The following BMPR2 variants were observed in gnomAD, a reference collection of about 807,000 sequenced individuals.
BMPR2 encodes bone morphogenetic protein receptor type-2.
BMPR2 carries 29 observed loss-of-function variants against 100.8 expected under a neutral mutation model. That is an observed-to-expected ratio of 0.29 (90% CI 0.21 to 0.39). The LOEUF (loss-of-function observed/expected upper bound fraction) is 0.39. BMPR2 is among the 10% of genes least tolerant of loss of function. The probability of loss-of-function intolerance (pLI) is 1.00; values close to 1 mark genes in which losing one functional copy is unlikely to be tolerated. For missense variants in BMPR2, 1,011 were observed against 1,274.5 expected (o/e 0.79, Z 3.15); for synonymous variants, 382 against 442.3 (o/e 0.86, Z 1.71).
chr2:202,517,976 CTTTTTTTT>C (rs67110605), intron 5 of BMPR2, among the ~76,000 whole-genome samples: 2 of 88,444 alleles, frequency 2.3e-5, no homozygotes, highest in East Asian at 3.1e-4. Flanking sequence ...CCACGCCTGA[CTTTTTTTT>C]TTTTTTTTTT....
chr2:202,431,313 A>G (rs1469467044), intron 1 of BMPR2, among the ~76,000 whole-genome samples: 2 of 150,670 alleles, frequency 1.3e-5, no homozygotes, highest in African/African-American at 5.0e-5. Context: ...ATGTTTTTCA[A>G]GGTATTCTGT....
At chr2:202,504,543 G>A (rs535870741) in intron 3 of BMPR2, among the ~76,000 whole-genome samples, 2 of 152,154 alleles carry the variant, frequency 1.3e-5, no homozygotes, top group African/African-American at 2.4e-5. Context: ...CTGAAGAGCT[G>A]TAACACTCAC....
chr2:202,412,024 G>A (rs1257094027), intron 1 of BMPR2, among the ~76,000 whole-genome samples: 1 of 152,072 alleles, frequency 6.6e-6, no homozygotes, highest in Non-Finnish European at 1.5e-5. Context: ...ACATTTCCTG[G>A]TTTTCATAAT....
At chr2:202,482,087 T>G (rs116020902) in intron 3 of BMPR2, among the ~76,000 whole-genome samples, 1,657 of 152,342 alleles carry the variant, frequency 0.011, 75 homozygotes, top group Admixed American at 0.071. Flanking sequence ...CATATTTGTC[T>G]TTTTGCAACT....
intron 3 of BMPR2, 59 bp downstream of exon 3, chr2:202,467,748 A>T (rs1692356609): frequency 2.6e-6 from 4 of 1,518,894 alleles, no homozygotes; most frequent in Non-Finnish European, 3.7e-6. Flanking sequence ...TGCAAAATAT[A>T]AAAAAACTTA....
chr2:202,389,197 C>T (rs1398513643), intron 1 of BMPR2, among the ~76,000 whole-genome samples: 1 of 151,852 alleles, frequency 6.6e-6, no homozygotes, highest in Non-Finnish European at 1.5e-5. Context: ...TGCACTTCAG[C>T]TTGGGTGACA....
At chr2:202,378,456 G>T (rs980775421) in intron 1 of BMPR2, among the ~76,000 whole-genome samples, 2 of 152,166 alleles carry the variant, frequency 1.3e-5, no homozygotes, top group African/African-American at 4.8e-5. Context: ...AACGAGTAAA[G>T]GACCAAATGA....
intron 1 of BMPR2, among the ~76,000 whole-genome samples, chr2:202,409,570 A>T (rs988133708): frequency 6.6e-6 from 1 of 152,148 alleles, no homozygotes; most frequent in South Asian, 2.1e-4. Flanking sequence ...AAACAAAAAC[A>T]AAAACAAAAA....
intron 7 of BMPR2, 53 bp from the exon 8 acceptor site, chr2:202,530,741 A>G (rs1411392249): frequency 6.8e-7 from 1 of 1,463,320 alleles, no homozygotes; most frequent in African/African-American, 1.4e-5. Flanking sequence ...TGTTCATTTC[A>G]TGTTCAATAG....
chr2:202,423,107 T>C (rs977921710), intron 1 of BMPR2, among the ~76,000 whole-genome samples: 30 of 152,298 alleles, frequency 2.0e-4, no homozygotes, highest in African/African-American at 6.7e-4. Flanking sequence ...CAGGCTGGTC[T>C]TGAACTCCAA....
chr2:202,393,359 T>TTGG (rs1690588611), intron 1 of BMPR2, among the ~76,000 whole-genome samples: 1 of 152,238 alleles, frequency 6.6e-6, no homozygotes. Flanking sequence ...CTGCCCCAGC[T>TTGG]TGGTGTAGCC....
chr2:202,488,785 A>G (rs1405329039), intron 3 of BMPR2, among the ~76,000 whole-genome samples: 2 of 152,146 alleles, frequency 1.3e-5, no homozygotes, highest in South Asian at 4.1e-4. Flanking sequence ...TTTTAAGTGC[A>G]CAGTTTAGTA....
At chr2:202,392,149 C>T (rs1420950162) in intron 1 of BMPR2, among the ~76,000 whole-genome samples, 5 of 151,578 alleles carry the variant, frequency 3.3e-5, no homozygotes, top group Admixed American at 6.6e-5. Flanking sequence ...TGGCTCACTG[C>T]GACCTCCGCC....
Position 202,446,354 on chromosome 2 carries a change from C to T in BMPR2, c.77-18455C>T, listed in dbSNP as rs557109249. ...CAGAAGTTGTGGTGAGCCAAGATTG[C>T]GCCATTGCACTCCAGCTGGGGCAAC... is the stretch of plus-strand genomic sequence containing the variant. On this transcript the variant is annotated intron_variant, in intron 1 of 12. Transcript: ENST00000374580. Among the ~76,000 whole-genome samples the T allele has an allele frequency of 4.7e-5, 7 of 149,968 alleles. 1 individual carries two copies. Among genetic ancestry groups the T allele is most frequent in the Admixed American group, 1.3e-4 (2 of 15,186 alleles).
intron 10 of BMPR2, among the ~76,000 whole-genome samples, chr2:202,550,374 CAAA>C (rs71035016): frequency 3.4e-4 from 32 of 94,244 alleles, no homozygotes; most frequent in Admixed American, 5.9e-4. Flanking sequence ...CTCCTATCTC[CAAA>C]AAAAAAAAAA....
intron 10 of BMPR2, among the ~76,000 whole-genome samples, chr2:202,551,725 A>C (rs558460567): frequency 6.6e-6 from 1 of 152,154 alleles, no homozygotes; most frequent in East Asian, 1.9e-4. Context: ...TTTGAGGCGG[A>C]GTCTCACTCT....
Position 202,503,416 on chromosome 2 carries a change from C to T in BMPR2, c.419-10303C>T, listed in dbSNP as rs371404689. Among the ~76,000 whole-genome samples, 6 of 152,366 alleles carry T rather than the reference C, an allele frequency of 3.9e-5. No individual in the cohort carries two copies. The highest frequency in any genetic ancestry group is 2.1e-4 in the South Asian group (1 of 4,834). ...GCAAGCAGGAACCGGGGCGGCGTGC[C>T]GCGCTTGCGGGCCAGCCGGAGTTCC... On this transcript the variant is annotated intron_variant, in intron 3 of 12. Transcript: ENST00000374580. The surrounding 1 kb of genome is among the most constrained non-coding windows in gnomAD (Gnocchi z 4.0).
intron 8 of BMPR2, among the ~76,000 whole-genome samples, chr2:202,531,866 G>T (rs2106019174): frequency 1.3e-5 from 2 of 148,794 alleles, no homozygotes; most frequent in South Asian, 4.3e-4. Context: ...GACCTTAGGT[G>T]ATCCACCCAC....
intron 3 of BMPR2, among the ~76,000 whole-genome samples, chr2:202,468,804 A>G (rs1692375192): frequency 6.6e-6 from 1 of 152,188 alleles, no homozygotes; most frequent in Admixed American, 6.6e-5. Context: ...GTAATATTAG[A>G]TGCAAAAAGT....
Sources: gnomAD v4.1 joint callset for allele counts (sites outside exome capture counted in the v4.1 genomes callset) on GRCh38, gnomAD v4.1.1 for gene constraint, Gnocchi (gnomAD v3.1) non-coding constraint, MANE v1.5 for transcripts, NCBI Gene and HGNC (gene_info 2026-07-23, HGNC 2026-07-21) for gene names.